Variants in CEP128 observed in about 807,000 individuals in gnomAD.
CEP128 encodes centrosomal protein 128kDa.
A neutral mutation model predicts 156.7 loss-of-function variants in CEP128; 132 were observed. The ratio of observed to expected loss-of-function variants is 0.84; its 90% CI spans 0.73 to 0.97. CEP128 has a LOEUF of 0.97. Ranked by LOEUF, CEP128 falls within the 50% of genes least tolerant of loss-of-function variation. CEP128 has a pLI of 0.00. For missense variants in CEP128, 1,252 were observed against 1,281.9 expected, an observed-to-expected ratio of 0.98 and a Z score of 0.36; for synonymous variants, 469 against 448.9, an observed-to-expected ratio of 1.04 and a Z score of -0.57.
At chr14:80,740,857 G>C (rs1008819370) in intron 19 of CEP128, among the ~76,000 whole-genome samples, 2 of 152,122 alleles carry the variant, frequency 1.3e-5, no homozygotes, top group African/African-American at 4.8e-5. Flanking sequence ...TACAGTACAC[G>C]CTGCTGGGAA....
chr14:80,774,626 CGTGT>C (rs1179738887), intron 16 of CEP128, among the ~76,000 whole-genome samples: 7 of 150,390 alleles, frequency 4.7e-5, no homozygotes, highest in Admixed American at 1.3e-4. Flanking sequence ...TGTGTGTGTG[CGTGT>C]GTGTGTATGT....
At chr14:80,685,251 T>C (rs893740270) in intron 19 of CEP128, among the ~76,000 whole-genome samples, 1 of 152,072 alleles carries the variant, frequency 6.6e-6, no homozygotes, top group Non-Finnish European at 1.5e-5. Flanking sequence ...GAGTAAAGTT[T>C]TGGGACACAA....
chr14:80,849,933 T>G (rs1378325405), intron 9 of CEP128, among the ~76,000 whole-genome samples: 1 of 152,126 alleles, frequency 6.6e-6, no homozygotes, highest in Admixed American at 6.5e-5. Context: ...AAATTCTGCA[T>G]GCACAGCTTC....
rs550213549 is a variant in CEP128 at position 80,734,652 on chromosome 14, A to G, written c.2806+8423T>C. On this transcript the variant is annotated intron_variant, in intron 19 of 24. Coordinates refer to ENST00000555265, the MANE Select transcript of CEP128 (RefSeq NM_152446.5). ...ATCATGAGGTCAAGAGATCGAGACC[A>G]TCCTGGCCAACATGGTAAAACCCCA... 7.2e-5 allele frequency among the ~76,000 whole-genome samples: 11 copies of G among 152,050 alleles called. No individual in the cohort carries two copies. In the South Asian group the frequency reaches 2.3e-3, roughly 32 times the overall value.
intron 21 of CEP128, among the ~76,000 whole-genome samples, chr14:80,540,773 C>G (rs1291963065): frequency 6.6e-6 from 1 of 152,046 alleles, no homozygotes; most frequent in East Asian, 1.9e-4. Flanking sequence ...AGGCTGGGGA[C>G]TTGCTGAACA....
At chr14:80,590,748 C>T (rs1170992826) in intron 19 of CEP128, among the ~76,000 whole-genome samples, 4 of 151,946 alleles carry the variant, frequency 2.6e-5, no homozygotes, top group African/African-American at 9.7e-5. Flanking sequence ...AAAATTGTAA[C>T]AATATCTTAT....
chr14:80,909,403 A>ACGCG (rs1555362273), intron 4 of CEP128, among the ~76,000 whole-genome samples: 39 of 150,702 alleles, frequency 2.6e-4, no homozygotes, highest in Middle Eastern at 3.4e-3. Flanking sequence ...ACACACACAC[A>ACGCG]CGCAAACTCC....
At chr14:80,775,025 G>A (rs1364506706) in intron 16 of CEP128, among the ~76,000 whole-genome samples, 1 of 152,120 alleles carries the variant, frequency 6.6e-6, no homozygotes, top group Non-Finnish European at 1.5e-5. Flanking sequence ...ATGCCAATTG[G>A]TTGACTGCTT....
At chr14:80,799,381 T>C (rs1331270686) in intron 13 of CEP128, among the ~76,000 whole-genome samples, 2 of 152,208 alleles carry the variant, frequency 1.3e-5, no homozygotes, top group Admixed American at 6.5e-5. Context: ...CTGTGATAAT[T>C]GTGTTAAGCG....
chr14:80,492,460 C>T (rs1220873391), downstream of CEP128, among the ~76,000 whole-genome samples: 1 of 152,116 alleles, frequency 6.6e-6, no homozygotes, highest in Non-Finnish European at 1.5e-5. Context: ...CTCTAGCCCA[C>T]AGGCTGGCCC....
At position 80,557,682 on chromosome 14, in the gene CEP128, T is replaced by C. The variant is rs542935163; in HGVS notation, c.2880+1597A>G. On this transcript the variant is annotated intron_variant, in intron 21 of 24. Transcript: ENST00000555265. ...CCAGTGAAATCTCAGGAAGAAGTTATTTATCCATAGGGTCTGGACATCGTC... is the reference window on the plus strand; with the variant it reads ...CCAGTGAAATCTCAGGAAGAAGTTACTTATCCATAGGGTCTGGACATCGTC... Among the ~76,000 whole-genome samples, 6 of 152,312 alleles carry C rather than the reference T, an allele frequency of 3.9e-5. No individual in the cohort carries two copies. The East Asian group carries it at 9.6e-4, about 24-fold the overall frequency.
intron 19 of CEP128, among the ~76,000 whole-genome samples, chr14:80,599,791 G>C (rs1279370462): frequency 1.3e-5 from 2 of 152,058 alleles, no homozygotes; most frequent in South Asian, 2.1e-4. Flanking sequence ...CTGAGGAAAA[G>C]TATGAGAATG....
intron 19 of CEP128, among the ~76,000 whole-genome samples, chr14:80,662,817 G>T (rs1032381862): frequency 1.3e-5 from 2 of 152,092 alleles, no homozygotes; most frequent in Non-Finnish European, 2.9e-5. Flanking sequence ...CTTTACAATA[G>T]AACTTTCTGC....
In CEP128 at chr14:80,838,260, G is replaced by C. The variant is rs1261009020; in HGVS notation, c.868C>G (p.Leu290Val). 6.2e-7 allele frequency: 1 copy of C among 1,612,876 alleles called. No homozygotes were observed. The highest frequency in any genetic ancestry group is 8.5e-7 in the Non-Finnish European group (1 of 1,179,334). ...GATTGATTCAATAACCTTCGAGATA[G>C]CTCCAATTCCTGTTCAAGCTAGAGT... ...EKNQLEQELE[L>V]SRRLLNQSEG... The change falls in exon 11 of 25, where the codon CTA becomes GTA. Residue 290 changes from leucine (L) to valine (V), a missense_variant. By Grantham distance (32) the Leu-to-Val change is conservative. Transcript: ENST00000555265.
At chr14:80,667,844 C>T (rs1462367790) in intron 19 of CEP128, among the ~76,000 whole-genome samples, 5 of 121,314 alleles carry the variant, frequency 4.1e-5, no homozygotes, top group Admixed American at 1.9e-4. Context: ...GGCAACAGAG[C>T]GAGACTCCAT....
chr14:80,522,320 TGAGA>T (rs1423034700), intron 23 of CEP128, among the ~76,000 whole-genome samples: 1 of 152,172 alleles, frequency 6.6e-6, no homozygotes, highest in African/African-American at 2.4e-5. Context: ...AAAGATTCAA[TGAGA>T]GAGAAATGAG....
At position 80,906,054 on chromosome 14, in the gene CEP128, C is replaced by T. The variant is rs747268194; in HGVS notation, c.262G>A (p.Asp88Asn). ...HLKESLEQSI[D>N]QLRSQRLLRN... is the part of the protein sequence containing the mutation. ...AATAAACGTTGACTCCGGAGTTGGT[C>T]GATTGATTGTTCCAAGCTTTCTTTT... The change falls in exon 5 of 25, where the codon GAC (aspartate) becomes AAC (asparagine). Residue 88 changes from aspartate (D) to asparagine (N), a missense_variant. Coordinates refer to ENST00000555265, the MANE Select transcript of CEP128 (RefSeq NM_152446.5). The T allele has an allele frequency of 6.7e-5, 107 of 1,604,766 alleles. 1 individual carries two copies. Among genetic ancestry groups the T allele is most frequent in the Non-Finnish European group, 8.7e-5 (102 of 1,177,418 alleles).
upstream of CEP128, among the ~76,000 whole-genome samples, chr14:80,946,323 GCATCATGATGATGCCTCATGAT>G (rs1851814619): frequency 7.6e-5 from 5 of 65,842 alleles, no homozygotes; most frequent in East Asian, 1.3e-3. Context: ...GCCTCATGAT[GCATCATGATGATGCCTCATGAT>G]GCATCATGAT....
chr14:80,673,379 C>T (rs1220118851), intron 19 of CEP128, among the ~76,000 whole-genome samples: 1 of 151,968 alleles, frequency 6.6e-6, no homozygotes, highest in Non-Finnish European at 1.5e-5. Flanking sequence ...CGCGGTGGCT[C>T]ACGCCTGTAA....
Sources: gnomAD v4.1 joint callset for allele counts (sites outside exome capture counted in the v4.1 genomes callset) on GRCh38, gnomAD v4.1.1 for gene constraint, MANE v1.5 for transcripts, NCBI Gene and HGNC (gene_info 2026-07-23, HGNC 2026-07-21) for gene names.